Variants in MYT1 observed in about 807,000 individuals in gnomAD.
MYT1 encodes myelin transcription factor I.
MYT1 carries 23 observed loss-of-function variants against 123.0 expected under a neutral mutation model. That is an observed-to-expected ratio of 0.19 (90% CI 0.13 to 0.26). The LOEUF (loss-of-function observed/expected upper bound fraction) is 0.26, where lower values mean the gene tolerates loss of function less well. Ranked by LOEUF, MYT1 falls within the 10% of genes least tolerant of loss-of-function variation. The pLI is 1.00. For missense variants in MYT1, 1,125 were observed against 1,472.5 expected, an observed-to-expected ratio of 0.76 and a Z score of 3.86; for synonymous variants, 518 against 575.3, an observed-to-expected ratio of 0.90 and a Z score of 1.43.
At chr20:64,223,999 C>T (rs943546993) in intron 16 of MYT1, among the ~76,000 whole-genome samples, 6 of 152,324 alleles carry the variant, frequency 3.9e-5, no homozygotes, top group Middle Eastern at 3.4e-3. Flanking sequence ...GCTGGACAGT[C>T]CTGCACAACC....
chr20:64,211,309 C>G lies in MYT1; in HGVS notation c.1395C>G (p.Gly465=). ...GLYPHHRSLS[G]CPHKDRIPPE... is the part of the protein sequence containing the mutation. ...ACCCTCACCACCGCAGCCTTTCTGG[C>G]TGTCCCCACAAGGATAGGATCCCCC... The change falls in exon 8 of 23, where the codon GGC becomes GGG. Residue 465 remains glycine (G), a synonymous_variant. Transcript: ENST00000328439. 6.2e-7 allele frequency: 1 copy of G among 1,613,892 alleles called. No individual in the cohort carries two copies. Among genetic ancestry groups the G allele is most frequent in the Non-Finnish European group, 8.5e-7 (1 of 1,179,828 alleles).
rs1037962935 is a variant in MYT1, at chr20:64,192,252, G to T, written c.-1+2092G>T. Among the ~76,000 whole-genome samples, 1 of 152,180 alleles carries T rather than the reference G, an allele frequency of 6.6e-6. No homozygotes were observed. The highest frequency in any genetic ancestry group is 2.4e-5 in the African/African-American group (1 of 41,434). ...CCCTTCTTTTCTTGCAGATAGGGCC[G>T]AGTGACTGCTCTGAATAGAGAAGCT... On this transcript the variant is annotated intron_variant, in intron 2 of 22. Coordinates refer to ENST00000328439, the MANE Select transcript of MYT1 (RefSeq NM_004535.3). This position sits in a 1 kb window ranked among gnomAD's most constrained non-coding sequence, Gnocchi z 5.3.
chr20:64,226,392 C>T (rs980682314), intron 16 of MYT1, among the ~76,000 whole-genome samples: 4 of 152,204 alleles, frequency 2.6e-5, no homozygotes, highest in Admixed American at 2.0e-4. Flanking sequence ...CCGGATGTCA[C>T]ATGTGCTGGT....
intron 1 of MYT1, among the ~76,000 whole-genome samples, chr20:64,179,461 T>C (rs1386108361): frequency 6.6e-6 from 1 of 152,218 alleles, no homozygotes; most frequent in Non-Finnish European, 1.5e-5. Context: ...AATTAATAAA[T>C]ATTTGGGGGG....
chr20:64,205,143 T>C (rs760055124), intron 5 of MYT1, 46 bp downstream of exon 5: 1 of 1,598,402 alleles, frequency 6.3e-7, no homozygotes, highest in Non-Finnish European at 8.6e-7. Context: ...GCGGTAGATT[T>C]GGAGCCCCTG....
Position 64,167,125 on chromosome 20 carries a change from G to C in MYT1, c.-99+2386G>C, listed in dbSNP as rs1982105113. On this transcript the variant is annotated intron_variant, in intron 1 of 22. Coordinates refer to ENST00000328439, the MANE Select transcript of MYT1 (RefSeq NM_004535.3). This position sits in a 1 kb window ranked among gnomAD's most constrained non-coding sequence, Gnocchi z 6.3. ...CAGAGCCTGACTAACTGTCTTCCTG[G>C]TGCTGCTCAGTCTGGTGATGTCTGG... 6.6e-6 allele frequency among the ~76,000 whole-genome samples: 1 copy of C among 152,202 alleles called. No homozygotes were observed. The highest frequency in any genetic ancestry group is 6.5e-5 in the Admixed American group (1 of 15,292).
At chr20:64,173,220 C>T (rs1340303092) in intron 1 of MYT1, among the ~76,000 whole-genome samples, 1 of 152,124 alleles carries the variant, frequency 6.6e-6, no homozygotes, top group Non-Finnish European at 1.5e-5. Context: ...GAGGCAAGGC[C>T]CATGGGTCAG....
At chr20:64,182,253 A>T (rs954898222) in intron 1 of MYT1, among the ~76,000 whole-genome samples, 1 of 152,192 alleles carries the variant, frequency 6.6e-6, no homozygotes, top group Non-Finnish European at 1.5e-5. Context: ...ATGAGGTATG[A>T]TGAAAGCTAA....
chr20:64,217,180 A>G lies in MYT1; in HGVS notation c.1745A>G (p.Lys582Arg). The G allele has an allele frequency of 6.2e-7, 1 of 1,614,262 alleles. No individual in the cohort carries two copies. The highest frequency in any genetic ancestry group is 8.5e-7 in the Non-Finnish European group (1 of 1,180,046). The change falls in exon 11 of 23, where the codon AAG (lysine) becomes AGG (arginine). Residue 582 changes from lysine to arginine, a missense_variant. By Grantham distance (26) the Lys-to-Arg change is conservative (BLOSUM62 2). Around this residue, in one of 4 missense-constraint regions of MYT1, gnomAD observed 429 missense variants for 604.1 expected, o/e 0.71. Coordinates refer to ENST00000328439, the MANE Select transcript of MYT1 (RefSeq NM_004535.3). ...GCCAAGGAGCTGGAGAAGTTCTCCA[A>G]GGTCACCTTTGACTACGCAAGTTTC... ...NLAKELEKFS[K>R]VTFDYASFDA...
At chr20:64,227,205 A>C (rs972997070) in intron 16 of MYT1, among the ~76,000 whole-genome samples, 4 of 152,218 alleles carry the variant, frequency 2.6e-5, no homozygotes, top group Non-Finnish European at 5.9e-5. Context: ...GGAGCAAAGC[A>C]CTGAACCCCT....
chr20:64,181,102 T>C (rs1982640864), intron 1 of MYT1, among the ~76,000 whole-genome samples: 1 of 152,212 alleles, frequency 6.6e-6, no homozygotes, highest in Non-Finnish European at 1.5e-5. Flanking sequence ...CCTATTCTAG[T>C]TATCGGTTTT....
intron 1 of MYT1, among the ~76,000 whole-genome samples, chr20:64,182,169 GT>G (rs1321276975): frequency 1.3e-5 from 2 of 152,052 alleles, no homozygotes; most frequent in Admixed American, 1.3e-4. Context: ...TTTGTTTTTT[GT>G]TTTTTTTCCT....
intron 10 of MYT1, among the ~76,000 whole-genome samples, chr20:64,214,764 G>A (rs1476988741): frequency 6.6e-6 from 1 of 152,350 alleles, no homozygotes; most frequent in Non-Finnish European, 1.5e-5. Flanking sequence ...CGGCTGGGGT[G>A]AGCGTGAATG....
intron 19 of MYT1, among the ~76,000 whole-genome samples, chr20:64,236,350 C>A (rs1984542383): frequency 6.9e-6 from 1 of 145,428 alleles, no homozygotes. Context: ...GGTGGGTGAC[C>A]CTGGGATGGC....
chr20:64,181,804 T>C (rs77277454), intron 1 of MYT1, among the ~76,000 whole-genome samples: 1,717 of 152,328 alleles, frequency 0.011, 11 homozygotes, highest in Middle Eastern at 0.02. Context: ...CTTTGAACTT[T>C]GAGAGGCAGA....
Position 64,236,631 on chromosome 20 carries a change from T to C in MYT1, c.2974T>C (p.Phe992Leu). Residue 992 changes from phenylalanine (F) to leucine (L), a missense_variant, in exon 20 of 23, where the codon TTC becomes CTC. Phe to Leu is a conservative substitution (Grantham distance 22). Coordinates refer to ENST00000328439, the MANE Select transcript of MYT1 (RefSeq NM_004535.3). ...LSGDEVLSPK[F>L]KTSDVLENDE... ...AGGGGATGAGGTCCTCAGTCCAAAG[T>C]TCAAGACTAGCGACGGTAAGGATGG... The C allele has an allele frequency of 6.2e-7, 1 of 1,613,642 alleles. No individual in the cohort carries two copies. Among genetic ancestry groups the C allele is most frequent in the East Asian group, 2.2e-5 (1 of 44,884 alleles).
chr20:64,188,472 A>G (rs1225328587), intron 1 of MYT1, among the ~76,000 whole-genome samples: 1 of 152,146 alleles, frequency 6.6e-6, no homozygotes, highest in Non-Finnish European at 1.5e-5. Flanking sequence ...CAGAAAGTGA[A>G]CCCTGTGCAC....
Position 64,194,987 on chromosome 20 carries a change from G to A in MYT1, c.1-3875G>A, listed in dbSNP as rs534735284. The stretch of plus-strand genomic sequence containing the variant: ...CTCAGCTCACCTCAACCTTTGCCTC[G>A]GGGGTTCAGGTGATTCTCCTGCCTC... On this transcript the variant is annotated intron_variant, in intron 2 of 22. Transcript: ENST00000328439. Among the ~76,000 whole-genome samples the A allele has an allele frequency of 1.3e-4, 19 of 151,802 alleles. 2 individuals carry two copies. The highest frequency in any genetic ancestry group is 4.2e-4 in the South Asian group (2 of 4,800).
At position 64,185,158 on chromosome 20, in the gene MYT1, A is replaced by T. The variant is rs2427611; in HGVS notation, c.-98-4905A>T. On this transcript the variant is annotated intron_variant, in intron 1 of 22. Transcript: ENST00000328439. This position sits in a 1 kb window ranked among gnomAD's most constrained non-coding sequence, Gnocchi z 4.5. Reference sequence around the variant, plus strand: ...TTTTTAAACATGGATGCCTCAAGCCAGTTGAAGAGTTGGGAAGAGTAGTTC... The same window carrying T: ...TTTTTAAACATGGATGCCTCAAGCCTGTTGAAGAGTTGGGAAGAGTAGTTC... 0.69 allele frequency among the ~76,000 whole-genome samples: 105,172 copies of T among 152,104 alleles called. 37,742 individuals are homozygous for T. Among genetic ancestry groups the T allele is most frequent in the African/African-American group, 0.89 (37,079 of 41,520 alleles).
Sources: allele counts gnomAD v4.1 joint callset (sites outside exome capture counted in the v4.1 genomes callset), GRCh38; gene constraint gnomAD v4.1.1; regional missense constraint gnomAD v4.1.1; non-coding constraint Gnocchi (gnomAD v3.1); transcripts MANE v1.5; gene names NCBI Gene and HGNC (gene_info 2026-07-23, HGNC 2026-07-21).